Variants in UBA6 observed in about 807,000 individuals in gnomAD.
UBA6 encodes ubiquitin-like modifier-activating enzyme 6.
In UBA6, 87 loss-of-function variants were observed where a neutral mutation model predicts 148.3. The observed-to-expected ratio is 0.59, with a 90% CI of 0.49 to 0.70. The LOEUF (loss-of-function observed/expected upper bound fraction) is 0.70. Among genes scored for constraint, UBA6 ranks in the 30% least tolerant of loss-of-function variants. The probability of loss-of-function intolerance (pLI) is 0.00; values close to 1 mark genes in which losing one functional copy is unlikely to be tolerated. For missense variants in UBA6, 1,186 were observed against 1,241.2 expected (o/e 0.96, Z 0.67); for synonymous variants, 376 against 401.0 (o/e 0.94, Z 0.75).
chr4:67,692,343 A>G (rs1207466770), intron 2 of UBA6, among the ~76,000 whole-genome samples: 1 of 152,222 alleles, frequency 6.6e-6, no homozygotes, highest in African/African-American at 2.4e-5. Flanking sequence ...AAATTGCCAC[A>G]AAGGACATTT....
chr4:67,663,595 T>A (rs1460087143), intron 11 of UBA6: 7 of 416,712 alleles, frequency 1.7e-5, no homozygotes, highest in African/African-American at 1.4e-4. Flanking sequence ...TTTAATAAGA[T>A]CATCTTTGTA....
At chr4:67,629,496 T>A (rs538742166) in intron 26 of UBA6, among the ~76,000 whole-genome samples, 1 of 152,100 alleles carries the variant, frequency 6.6e-6, no homozygotes, top group African/African-American at 2.4e-5. Context: ...GTTTTTAATG[T>A]TTTACAAAGT....
intron 12 of UBA6, 197 bp from the exon 13 acceptor site, chr4:67,662,452 T>C (rs796274696): frequency 4.6e-5 from 21 of 459,190 alleles, no homozygotes; most frequent in African/African-American, 4.2e-4. Flanking sequence ...TATCAGTATA[T>C]AAATAAGTTT....
chr4:67,645,681 C>A (rs544457118), intron 16 of UBA6, among the ~76,000 whole-genome samples: 1 of 151,946 alleles, frequency 6.6e-6, no homozygotes, highest in South Asian at 2.1e-4. Flanking sequence ...AATTTTCAAA[C>A]ATATTTCTAG....
At chr4:67,645,350 C>T (rs1729397924) in intron 16 of UBA6, among the ~76,000 whole-genome samples, 1 of 152,124 alleles carries the variant, frequency 6.6e-6, no homozygotes, top group African/African-American at 2.4e-5. Context: ...CCTGTAATCC[C>T]AGCACTTTGG....
chr4:67,623,290 A>G lies in UBA6; in HGVS notation c.2841-68T>C. 2.7e-6 allele frequency: 3 copies of G among 1,096,526 alleles called. No homozygotes were observed. In the Admixed American group the frequency reaches 6.7e-5, roughly 25 times the overall value. 67.9% of individuals were successfully genotyped at this position (1,096,526 alleles called of 1,614,324 possible). On this transcript the variant is annotated intron_variant, in intron 30 of 32. Transcript: ENST00000322244. ...TTCCTTTTAGTGATGACACACACAC[A>G]AAAAAAACCCACTTTCAGAAGTCCA...
Position 67,633,395 on chromosome 4 carries a change from G to C in UBA6, c.2092C>G (p.Gln698Glu). 6.2e-7 allele frequency: 1 copy of C among 1,609,930 alleles called. No individual in the cohort carries two copies. The highest frequency in any genetic ancestry group is 1.1e-5 in the South Asian group (1 of 90,654). ...LLSRRPRNWS[Q>E]CVELARLKFE... ...TTTAATCTTGCTAATTCTACACACT[G>C]GGACCAATTTCTAGGTCTTCTGCTA... Residue 698 changes from glutamine to glutamate, a missense_variant, in exon 23 of 33, where the codon CAG becomes GAG. Coordinates refer to ENST00000322244, the MANE Select transcript of UBA6 (RefSeq NM_018227.6).
intron 12 of UBA6, chr4:67,662,524 A>G (rs7699318): frequency 0.38 from 116,660 of 310,668 alleles, 22,504 homozygotes; most frequent in Middle Eastern, 0.47. Flanking sequence ...GAGTGCAGTG[A>G]TGCAATCTTG....
chr4:67,701,107 C>A lies in UBA6; in HGVS notation c.13G>T (p.Glu5Ter). 1 of 1,613,168 alleles carries A rather than the reference C, an allele frequency of 6.2e-7. No homozygotes were observed. Among genetic ancestry groups the A allele is most frequent in the Non-Finnish European group, 8.5e-7 (1 of 1,179,724 alleles). MEGS[E>*]PVAAHQGEEA... ...TCCCCCTGATGGGCGGCCACAGGCT[C>A]GGATCCTTCCATTGCCGCCTGAGAC... The change falls in exon 1 of 33, where the codon GAG (glutamate) becomes TAG (stop). Residue 5 changes from glutamate to a stop codon, truncating the protein, a stop_gained. Coordinates refer to ENST00000322244, the MANE Select transcript of UBA6 (RefSeq NM_018227.6). LOFTEE classifies it high-confidence loss of function.
intron 20 of UBA6, 40 bp downstream of exon 20, chr4:67,635,413 T>A (rs1163604846): frequency 8.0e-7 from 1 of 1,248,610 alleles, no homozygotes; most frequent in Non-Finnish European, 1.2e-6. Context: ...AATTACAAGA[T>A]ATAAAAAAGA....
At chr4:67,628,325 C>T (rs1305436844) in intron 27 of UBA6, among the ~76,000 whole-genome samples, 2 of 151,842 alleles carry the variant, frequency 1.3e-5, no homozygotes, top group South Asian at 2.1e-4. Flanking sequence ...GTAATTTCCT[C>T]ATTTAAGACT....
chr4:67,677,497 A>C, intron 6 of UBA6, 114 bp downstream of exon 6: 1 of 496,776 alleles, frequency 2.0e-6, no homozygotes, highest in Non-Finnish European at 3.5e-6. Flanking sequence ...TCTACCTTGA[A>C]ATTTTTTTGT....
intron 26 of UBA6, among the ~76,000 whole-genome samples, chr4:67,629,836 A>C (rs1296293277): frequency 6.6e-6 from 1 of 152,096 alleles, no homozygotes; most frequent in Non-Finnish European, 1.5e-5. Context: ...AATCCAAAAC[A>C]GCCAGTGTTA....
intron 31 of UBA6, 79 bp from the exon 32 acceptor site, chr4:67,623,004 A>G: frequency 7.2e-7 from 1 of 1,389,304 alleles, no homozygotes; most frequent in South Asian, 1.3e-5. Context: ...GTTCGTAAAC[A>G]ATGTTTTATG....
chr4:67,657,314 G>C (rs921654774), intron 13 of UBA6, among the ~76,000 whole-genome samples: 1 of 152,162 alleles, frequency 6.6e-6, no homozygotes, highest in African/African-American at 2.4e-5. Flanking sequence ...AGAACAGCAT[G>C]GTACTGGTAC....
rs907588723 is a variant in UBA6 at position 67,613,574 on chromosome 4, T to C, written c.*5423A>G. 1 of 152,024 alleles carries C rather than the reference T, an allele frequency of 6.6e-6. No individual in the cohort carries two copies. The highest frequency in any genetic ancestry group is 1.5e-5 in the Non-Finnish European group (1 of 68,014). 9.4% of individuals were successfully genotyped at this position (152,024 alleles called of 1,614,324 possible). Reference sequence around the variant, plus strand: ...CAAGATACTCTAAAAGAACAATAAGTTGGGAGGATTTGTTTGGCCAGATAT... The same window carrying C: ...CAAGATACTCTAAAAGAACAATAAGCTGGGAGGATTTGTTTGGCCAGATAT... On this transcript the variant is annotated 3_prime_UTR_variant, in exon 33 of 33. Coordinates refer to ENST00000322244, the MANE Select transcript of UBA6 (RefSeq NM_018227.6).
chr4:67,689,589 T>A (rs781013651), intron 2 of UBA6, among the ~76,000 whole-genome samples: 18 of 152,160 alleles, frequency 1.2e-4, no homozygotes, highest in Non-Finnish European at 2.4e-4. Flanking sequence ...GATGGTCTTA[T>A]TGTAGCAGCT....
intron 1 of UBA6, among the ~76,000 whole-genome samples, chr4:67,697,285 G>A (rs373285012): frequency 3.2e-4 from 48 of 152,310 alleles, no homozygotes; most frequent in African/African-American, 1.1e-3. Flanking sequence ...GATTACAGGC[G>A]TGGGCCACTG....
chr4:67,658,241 C>T (rs917308937), intron 13 of UBA6, among the ~76,000 whole-genome samples: 25 of 152,290 alleles, frequency 1.6e-4, no homozygotes, highest in Middle Eastern at 3.4e-3. Flanking sequence ...CAAATTCACA[C>T]GTATGTTTAT....
Sources: gnomAD v4.1 joint callset for allele counts (sites outside exome capture counted in the v4.1 genomes callset) on GRCh38, gnomAD v4.1.1 for gene constraint, MANE v1.5 for transcripts, NCBI Gene and HGNC (gene_info 2026-07-23, HGNC 2026-07-21) for gene names.